The following ANKRD6 variants were observed in gnomAD, a reference collection of about 807,000 sequenced individuals.
ANKRD6 encodes ankyrin repeat domain-containing protein 6.
Under a neutral mutation model 82.3 loss-of-function variants are expected in ANKRD6, and 56 were observed. The ratio of observed to expected loss-of-function variants is 0.68; its 90% confidence interval spans 0.55 to 0.85. ANKRD6 has a LOEUF of 0.85. ANKRD6 is among the 40% of genes least tolerant of loss of function. ANKRD6 has a pLI of 0.00. For missense variants in ANKRD6, 852 were observed against 907.6 expected (o/e 0.94, Z 0.79); for synonymous variants, 347 against 352.1 (o/e 0.99, Z 0.16).
At chr6:89,520,694 G>A (rs554801958) in intron 1 of ANKRD6, among the ~76,000 whole-genome samples, 59 of 152,206 alleles carry the variant, frequency 3.9e-4, no homozygotes, top group Non-Finnish European at 7.2e-4. Context: ...GCAATGGTGC[G>A]TGTTTTAAAA....
intron 1 of ANKRD6, among the ~76,000 whole-genome samples, chr6:89,504,386 GTCTC>G (rs975915590): frequency 4.6e-5 from 7 of 151,628 alleles, no homozygotes; most frequent in African/African-American, 1.7e-4. Flanking sequence ...TTGTAGGACA[GTCTC>G]TCTCTCGCTC....
intron 1 of ANKRD6, among the ~76,000 whole-genome samples, chr6:89,445,726 A>G (rs940023510): frequency 6.6e-6 from 1 of 151,664 alleles, no homozygotes; most frequent in Non-Finnish European, 1.5e-5. Context: ...TTACAGGCGT[A>G]AGCCACTGCG....
intron 1 of ANKRD6, among the ~76,000 whole-genome samples, chr6:89,449,202 C>T (rs957794385): frequency 1.3e-5 from 2 of 152,208 alleles, no homozygotes; most frequent in African/African-American, 4.8e-5. Flanking sequence ...AAAATGTCAA[C>T]ATTAACAGGG....
chr6:89,556,611 C>T (rs1186184514), intron 1 of ANKRD6, among the ~76,000 whole-genome samples: 1 of 152,196 alleles, frequency 6.6e-6, no homozygotes, highest in African/African-American at 2.4e-5. Flanking sequence ...ACATTAGCAA[C>T]ATTCAGTTAG....
At chr6:89,619,501 C>T (rs1469912120) in intron 9 of ANKRD6, 1 of 152,168 alleles carries the variant, frequency 6.6e-6, no homozygotes, top group Non-Finnish European at 1.5e-5. Flanking sequence ...CAAGGATCTT[C>T]ACTTAAAGGG....
At chr6:89,568,067 G>A (rs952898248) in intron 2 of ANKRD6, 4 of 152,326 alleles carry the variant, frequency 2.6e-5, no homozygotes, top group Non-Finnish European at 1.5e-5. Flanking sequence ...TGAGCTACTT[G>A]TAGGTCCCCA....
intron 2 of ANKRD6, among the ~76,000 whole-genome samples, chr6:89,571,279 C>T (rs1789845729): frequency 6.6e-6 from 1 of 152,110 alleles, no homozygotes; most frequent in Non-Finnish European, 1.5e-5. Flanking sequence ...TGGTCTCGAT[C>T]TCCTGACCTC....
At chr6:89,510,598 T>G (rs1018763792) in intron 1 of ANKRD6, among the ~76,000 whole-genome samples, 2 of 152,182 alleles carry the variant, frequency 1.3e-5, no homozygotes, top group Non-Finnish European at 2.9e-5. Context: ...TTTGGTATAT[T>G]CATAGAGTTG....
intron 1 of ANKRD6, among the ~76,000 whole-genome samples, chr6:89,481,959 A>G (rs1776866443): frequency 6.6e-6 from 1 of 152,164 alleles, no homozygotes; most frequent in Non-Finnish European, 1.5e-5. Flanking sequence ...ACCTCTTTTG[A>G]TTCTCTCATA....
intron 1 of ANKRD6, among the ~76,000 whole-genome samples, chr6:89,530,690 G>T (rs1190523375): frequency 1.3e-5 from 2 of 152,216 alleles, no homozygotes; most frequent in African/African-American, 4.8e-5. Context: ...AGCAGGAAGG[G>T]CTCTGGTTGG....
chr6:89,624,779 C>A, intron 13 of ANKRD6, 88 bp downstream of exon 13: 2 of 1,467,548 alleles, frequency 1.4e-6, no homozygotes, highest in South Asian at 2.7e-5. Flanking sequence ...CACACCCTTC[C>A]ACCCTGGGAG....
At chr6:89,449,428 T>C (rs1208240888) in intron 1 of ANKRD6, among the ~76,000 whole-genome samples, 1 of 152,192 alleles carries the variant, frequency 6.6e-6, no homozygotes, top group Non-Finnish European at 1.5e-5. Flanking sequence ...TGAGGTAGAC[T>C]TGTGAAAGTT....
chr6:89,500,861 T>C (rs1322516214), intron 1 of ANKRD6, among the ~76,000 whole-genome samples: 1 of 152,204 alleles, frequency 6.6e-6, no homozygotes, highest in Non-Finnish European at 1.5e-5. Flanking sequence ...TTTGATTTAT[T>C]AGGTCCAACT....
Position 89,616,620 on chromosome 6 carries a change from T to TA in ANKRD6, c.678dup (p.Leu227ThrfsTer11). 6.2e-7 allele frequency: 1 copy of TA among 1,614,050 alleles called. No individual in the cohort carries two copies. The highest frequency in any genetic ancestry group is 8.5e-7 in the Non-Finnish European group (1 of 1,179,898). On this transcript the variant is annotated frameshift_variant, in exon 8 of 16. Transcript: ENST00000339746. LOFTEE classifies it high-confidence loss of function. ...AATCACAAGAAGGTGGCCAAAATCT[T>TA]ACTGGAAGCCGGAGCAGATACGACC...
At chr6:89,622,774 G>T (rs1449386651) in intron 10 of ANKRD6, among the ~76,000 whole-genome samples, 1 of 152,084 alleles carries the variant, frequency 6.6e-6, no homozygotes, top group Non-Finnish European at 1.5e-5. Flanking sequence ...AGAAGTCTGG[G>T]ATATAGAGAC....
At chr6:89,475,785 A>C in intron 1 of ANKRD6, among the ~76,000 whole-genome samples, 1 of 152,236 alleles carries the variant, frequency 6.6e-6, no homozygotes, top group African/African-American at 2.4e-5. Context: ...CATTTAACAA[A>C]TACTGCCAGA....
At chr6:89,560,835 GAAAAA>G (rs1358217258) in intron 1 of ANKRD6, 1 of 152,034 alleles carries the variant, frequency 6.6e-6, no homozygotes, top group Non-Finnish European at 1.5e-5. Flanking sequence ...CAAAAAAAAA[GAAAAA>G]AGAAAAACGG....
intron 1 of ANKRD6, among the ~76,000 whole-genome samples, chr6:89,554,592 G>A (rs1786316499): frequency 6.6e-6 from 1 of 152,206 alleles, no homozygotes; most frequent in Admixed American, 6.5e-5. Flanking sequence ...AGCTCTCTAA[G>A]AGTCTGTAAT....
chr6:89,572,237 T>C (rs2182865), intron 2 of ANKRD6, among the ~76,000 whole-genome samples: 130,513 of 152,214 alleles, frequency 0.86, 56,410 homozygotes, highest in South Asian at 0.96. Context: ...TATAAACATT[T>C]ATGTGCAGTT....
Sources: allele counts gnomAD v4.1 joint callset (sites outside exome capture counted in the v4.1 genomes callset), GRCh38; gene constraint gnomAD v4.1.1; transcripts MANE v1.5; gene names NCBI Gene and HGNC (gene_info 2026-07-23, HGNC 2026-07-21).